The following CTNNA1 variants were observed in gnomAD, a reference collection of about 807,000 sequenced individuals.
CTNNA1 encodes the protein catenin alpha-1.
Under a neutral mutation model 98.4 loss-of-function variants are expected in CTNNA1, and 37 were observed. The observed-to-expected ratio is 0.38, with a 90% confidence interval of 0.29 to 0.49. CTNNA1 has a LOEUF of 0.49. Ranked by LOEUF, CTNNA1 falls within the 20% of genes least tolerant of loss-of-function variation. The probability of loss-of-function intolerance (pLI) is 0.95; values close to 1 mark genes in which losing one functional copy is unlikely to be tolerated. For synonymous variants in CTNNA1, 404 were observed against 413.2 expected (o/e 0.98, Z 0.27); for missense variants, 761 against 1,147.2 (o/e 0.66, Z 4.86).
In CTNNA1 at chr5:138,810,057, T is replaced by C. The variant is rs780843815; in HGVS notation, c.321T>C (p.Ala107=). Residue 107 remains alanine (A), a synonymous_variant, in exon 4 of 18, where the codon GCT becomes GCC. Transcript: ENST00000302763. ...VRKQGDLMKA[A]AGEFADDPCS... ...AAACAGGTGATTTGATGAAGGCTGC[T>C]GCAGGAGAGTTCGCAGATGATCCCT... The C allele has an allele frequency of 9.9e-6, 16 of 1,612,164 alleles. No homozygotes were observed. The highest frequency in any genetic ancestry group is 2.2e-5 in the East Asian group (1 of 44,842).
chr5:138,881,025 C>A (rs1752787906), intron 7 of CTNNA1: 1 of 456,100 alleles, frequency 2.2e-6, no homozygotes, highest in Non-Finnish European at 4.4e-6. Context: ...TCATTTCTTA[C>A]TCTGTACGGT....
At chr5:138,793,837 C>T (rs1482217556) in intron 3 of CTNNA1, among the ~76,000 whole-genome samples, 1 of 151,814 alleles carries the variant, frequency 6.6e-6, no homozygotes, top group Non-Finnish European at 1.5e-5. Flanking sequence ...TTTATTTTAA[C>T]TTTTTTTTAA....
intron 7 of CTNNA1, among the ~76,000 whole-genome samples, chr5:138,846,651 T>A (rs2149832835): frequency 6.6e-6 from 1 of 152,364 alleles, no homozygotes. Context: ...GTTGACCTCT[T>A]TAATCTTCTG....
chr5:138,923,112 C>G (rs965118726), intron 11 of CTNNA1, among the ~76,000 whole-genome samples: 2 of 152,116 alleles, frequency 1.3e-5, no homozygotes, highest in South Asian at 4.1e-4. Flanking sequence ...TGATTTCTTT[C>G]AATTGTATTC....
intron 1 of CTNNA1, among the ~76,000 whole-genome samples, chr5:138,765,201 C>T (rs1056046804): frequency 6.6e-6 from 1 of 152,134 alleles, no homozygotes; most frequent in African/African-American, 2.4e-5. Flanking sequence ...CCACCACGCC[C>T]AGCTAATTTT....
rs972502390 is a variant in CTNNA1, at chr5:138,855,101, C to T, written c.1062+27383C>T. Among the ~76,000 whole-genome samples, 16 of 152,194 alleles carry T rather than the reference C, an allele frequency of 1.1e-4. No homozygotes were observed. The East Asian group carries it at 2.7e-3, about 26-fold the overall frequency. On this transcript the variant is annotated intron_variant, in intron 7 of 17. Transcript: ENST00000302763. Reference sequence around the variant, plus strand: ...TCACCCAGGCTGGCGTGCAGTAGCGCGATCTCGGCTCACTGCAACCTCCGC... The same window carrying T: ...TCACCCAGGCTGGCGTGCAGTAGCGTGATCTCGGCTCACTGCAACCTCCGC...
At chr5:138,846,133 T>G (rs1762709239) in intron 7 of CTNNA1, among the ~76,000 whole-genome samples, 1 of 152,096 alleles carries the variant, frequency 6.6e-6, no homozygotes, top group Non-Finnish European at 1.5e-5. Context: ...TTTCATACTT[T>G]TAGAGACAGG....
intron 1 of CTNNA1, among the ~76,000 whole-genome samples, chr5:138,774,856 A>G (rs1309950048): frequency 6.6e-6 from 1 of 151,984 alleles, no homozygotes; most frequent in Non-Finnish European, 1.5e-5. Context: ...TGATCCGCCC[A>G]CCTCGGCCTC....
At chr5:138,853,166 C>T (rs6863054) in intron 7 of CTNNA1, among the ~76,000 whole-genome samples, 102,683 of 150,740 alleles carry the variant, frequency 0.68, 35,156 homozygotes, top group East Asian at 0.93. Flanking sequence ...TTTTTTGTCT[C>T]GAACTCCTGA....
chr5:138,887,403 G>T, intron 8 of CTNNA1, 87 bp from the exon 9 acceptor site: 1 of 968,582 alleles, frequency 1.0e-6, no homozygotes, highest in Admixed American at 2.7e-5. Flanking sequence ...AGCTTCATTA[G>T]ATTTAAGTGT....
intron 3 of CTNNA1, among the ~76,000 whole-genome samples, chr5:138,786,491 A>G (rs549789425): frequency 2.0e-5 from 3 of 152,282 alleles, no homozygotes; most frequent in African/African-American, 7.2e-5. Flanking sequence ...CCTCCCTTAA[A>G]AAAAAATAGA....
chr5:138,917,325 T>C (rs559235342), intron 10 of CTNNA1, among the ~76,000 whole-genome samples: 38 of 152,328 alleles, frequency 2.5e-4, no homozygotes, highest in Admixed American at 1.4e-3. Flanking sequence ...TAACATAGAA[T>C]ATATACTTAG....
chr5:138,813,194 A>C (rs1363374640), intron 5 of CTNNA1, among the ~76,000 whole-genome samples: 3 of 152,218 alleles, frequency 2.0e-5, no homozygotes, highest in Non-Finnish European at 2.9e-5. Flanking sequence ...CAGGTTCTTG[A>C]TATTTTTCAT....
Position 138,932,302 on chromosome 5 carries a change from G to T in CTNNA1, c.2299-276G>T, listed in dbSNP as rs1765534560. 4.1e-6 allele frequency: 5 copies of T among 1,221,246 alleles called. No homozygotes were observed. The South Asian group carries it at 1.3e-4, about 33-fold the overall frequency. The allele number at this position is 1,221,246 out of a possible 1,614,324, so 75.7% of individuals were successfully genotyped here. A position where few individuals can be genotyped will look rare whatever the true frequency, so the allele number is the denominator to read the frequency against. Reference sequence around the variant, plus strand: ...GGTGGTTTCCCCGCCGTCATAGGAGGGAAGTCAGTGGGAGGCTCAGAAGGC... The same window carrying T: ...GGTGGTTTCCCCGCCGTCATAGGAGTGAAGTCAGTGGGAGGCTCAGAAGGC... On this transcript the variant is annotated intron_variant, in intron 16 of 17. Coordinates refer to ENST00000302763, the MANE Select transcript of CTNNA1 (RefSeq NM_001903.5).
chr5:138,836,025 A>G (rs140930862), intron 7 of CTNNA1, among the ~76,000 whole-genome samples: 53 of 152,216 alleles, frequency 3.5e-4, no homozygotes, highest in African/African-American at 1.2e-3. Context: ...TAATTTTTGT[A>G]TTTTTAGTAG....
intron 9 of CTNNA1, 148 bp from the exon 10 acceptor site, chr5:138,904,201 C>G (rs1758667843): frequency 3.2e-6 from 3 of 943,210 alleles, no homozygotes; most frequent in Non-Finnish European, 4.6e-6. Flanking sequence ...GTGTCCTCAT[C>G]TAAGTAAATA....
At chr5:138,808,485 A>T (rs999693303) in intron 3 of CTNNA1, among the ~76,000 whole-genome samples, 2 of 152,138 alleles carry the variant, frequency 1.3e-5, no homozygotes, top group Non-Finnish European at 2.9e-5. Flanking sequence ...CCTTTTAACT[A>T]TATAATTCAT....
At position 138,860,589 on chromosome 5, in the gene CTNNA1, G is replaced by A. The variant is rs10078363; in HGVS notation, c.1063-25623G>A. Among the ~76,000 whole-genome samples, 572 of 152,168 alleles carry A rather than the reference G, an allele frequency of 3.8e-3. 5 individuals carry two copies. Among genetic ancestry groups the A allele is most frequent in the African/African-American group, 0.013 (544 of 41,492 alleles). On this transcript the variant is annotated intron_variant, in intron 7 of 17. Transcript: ENST00000302763. The stretch of plus-strand genomic sequence containing the variant: ...CAGCTCGCTGCATCCTCTGCCGCCC[G>A]GGCTCAGGCGATTCTCCTGCCTCAA...
chr5:138,867,732 T>G (rs1016190044), intron 7 of CTNNA1, among the ~76,000 whole-genome samples: 2 of 151,230 alleles, frequency 1.3e-5, no homozygotes, highest in Admixed American at 6.6e-5. Flanking sequence ...TTTTCTCTTA[T>G]GATTTTCTTT....
Sources: gnomAD v4.1 joint callset for allele counts (sites outside exome capture counted in the v4.1 genomes callset) on GRCh38, gnomAD v4.1.1 for gene constraint, MANE v1.5 for transcripts, NCBI Gene and HGNC (gene_info 2026-07-23, HGNC 2026-07-21) for gene names.